Variants in SOX6 observed in about 807,000 individuals in gnomAD.
The protein encoded by SOX6 is SRY-box transcription factor 6.
Under a neutral mutation model 97.8 loss-of-function variants are expected in SOX6, and 11 were observed. That is an observed-to-expected ratio of 0.11 (90% CI 0.07 to 0.19). The LOEUF is 0.19. SOX6 is among the 10% of genes least tolerant of loss of function. SOX6 has a pLI of 1.00. For missense variants in SOX6, 810 were observed against 1,039.5 expected (o/e 0.78, Z 3.04); for synonymous variants, 360 against 371.4 (o/e 0.97, Z 0.35).
intron 3 of SOX6, among the ~76,000 whole-genome samples, chr11:16,680,189 A>G (rs11823738): frequency 0.023 from 3,532 of 152,330 alleles, 144 homozygotes; most frequent in African/African-American, 0.081. Context: ...GAAGGAAAAA[A>G]TGTTAAGGGC....
chr11:16,711,196 G>A (rs1389055824), intron 3 of SOX6, among the ~76,000 whole-genome samples: 1 of 152,134 alleles, frequency 6.6e-6, no homozygotes, highest in Non-Finnish European at 1.5e-5. Flanking sequence ...AAGAGTAAAT[G>A]TCTTAAGACA....
intron 1 of SOX6, among the ~76,000 whole-genome samples, chr11:16,419,363 T>C (rs1278984925): frequency 4.6e-5 from 7 of 152,156 alleles, no homozygotes. Flanking sequence ...TACAGTTATA[T>C]GCTTTTCCAT....
intron 4 of SOX6, among the ~76,000 whole-genome samples, chr11:16,192,038 T>C (rs1170506091): frequency 6.6e-6 from 1 of 152,044 alleles, no homozygotes; most frequent in Admixed American, 6.6e-5. Flanking sequence ...GAAAGGCAGT[T>C]TGTCTTAATA....
chr11:16,198,222 T>A (rs972598231), intron 4 of SOX6, among the ~76,000 whole-genome samples: 1 of 88,100 alleles, frequency 1.1e-5, no homozygotes, highest in Non-Finnish European at 2.1e-5. Flanking sequence ...CCCTGCTAAT[T>A]TTTTTTTCTT....
chr11:16,230,907 G>A (rs553762323), intron 4 of SOX6, among the ~76,000 whole-genome samples: 1 of 151,776 alleles, frequency 6.6e-6, no homozygotes, highest in East Asian at 1.9e-4. Context: ...TAATCAGAGT[G>A]TAATAAAAGA....
At chr11:16,125,634 C>T (rs1264641175) in intron 6 of SOX6, among the ~76,000 whole-genome samples, 1 of 151,920 alleles carries the variant, frequency 6.6e-6, no homozygotes, top group African/African-American at 2.4e-5. Flanking sequence ...TTGTTTAGGA[C>T]TAATAAGCAG....
chr11:16,021,815 A>G (rs987580404), intron 12 of SOX6, among the ~76,000 whole-genome samples: 3 of 152,098 alleles, frequency 2.0e-5, no homozygotes, highest in Admixed American at 1.3e-4. Context: ...ACTGGTGTAG[A>G]AGCAGGGAAG....
intron 1 of SOX6, among the ~76,000 whole-genome samples, chr11:16,424,836 C>G (rs1486518227): frequency 6.6e-6 from 1 of 152,204 alleles, no homozygotes; most frequent in Non-Finnish European, 1.5e-5. Flanking sequence ...GACAAATTAT[C>G]TGAAAGTGCC....
chr11:16,404,857 C>A (rs1373145016), intron 1 of SOX6, among the ~76,000 whole-genome samples: 2 of 151,980 alleles, frequency 1.3e-5, no homozygotes, highest in African/African-American at 2.4e-5. Context: ...TCTGTGGCAT[C>A]TAGAATTATG....
At chr11:16,518,458 A>G (rs1289890189) in intron 4 of SOX6, among the ~76,000 whole-genome samples, 2 of 152,170 alleles carry the variant, frequency 1.3e-5, no homozygotes, top group Non-Finnish European at 2.9e-5. Flanking sequence ...TTTGCTTTAT[A>G]TTACAATAAT....
chr11:16,562,083 G>C (rs929797133), intron 4 of SOX6, among the ~76,000 whole-genome samples: 2 of 152,086 alleles, frequency 1.3e-5, no homozygotes, highest in Non-Finnish European at 2.9e-5. Context: ...TTTTCCAGAG[G>C]TTATATAATA....
At chr11:16,545,783 C>T (rs187154611) in intron 4 of SOX6, among the ~76,000 whole-genome samples, 8 of 152,138 alleles carry the variant, frequency 5.3e-5, no homozygotes, top group African/African-American at 1.9e-4. Flanking sequence ...GAGATCTCAT[C>T]GCTACAAAAA....
intron 3 of SOX6, among the ~76,000 whole-genome samples, chr11:16,298,917 T>C (rs1362540365): frequency 6.6e-6 from 1 of 152,048 alleles, no homozygotes; most frequent in Non-Finnish European, 1.5e-5. Context: ...AATAAGATAC[T>C]GAACTAATAG....
chr11:16,523,643 T>A (rs923208727), intron 4 of SOX6, among the ~76,000 whole-genome samples: 1 of 151,260 alleles, frequency 6.6e-6, no homozygotes, highest in Non-Finnish European at 1.5e-5. Context: ...AGAGCAAAAC[T>A]GAAGGAAATA....
intron 4 of SOX6, among the ~76,000 whole-genome samples, chr11:16,536,661 G>A (rs530257999): frequency 1.3e-5 from 2 of 152,316 alleles, no homozygotes; most frequent in African/African-American, 4.8e-5. Flanking sequence ...CCCATGTGTG[G>A]CTCGGCGGGT....
intron 6 of SOX6, among the ~76,000 whole-genome samples, chr11:16,177,337 T>G (rs1851219918): frequency 1.3e-5 from 2 of 152,020 alleles, no homozygotes; most frequent in Middle Eastern, 6.8e-3. Context: ...CAACTCTTAC[T>G]GTAGTACTCT....
At chr11:16,655,913 G>A (rs902859722) in intron 3 of SOX6, among the ~76,000 whole-genome samples, 2 of 151,784 alleles carry the variant, frequency 1.3e-5, no homozygotes, top group Non-Finnish European at 2.9e-5. Flanking sequence ...AGGCTGCAGT[G>A]AGCTATGATC....
chr11:16,733,676 T>A (rs1412174604), intron 2 of SOX6, among the ~76,000 whole-genome samples: 1 of 144,880 alleles, frequency 6.9e-6, no homozygotes, highest in Non-Finnish European at 1.5e-5. Flanking sequence ...TATATACCTA[T>A]GTAACAAACC....
chr11:16,588,804 G>GTT (rs1848121804), intron 4 of SOX6, among the ~76,000 whole-genome samples: 2 of 152,168 alleles, frequency 1.3e-5, no homozygotes, highest in Non-Finnish European at 2.9e-5. Context: ...TGAAGCAGGA[G>GTT]GATTATTTGA....
Sources: allele counts gnomAD v4.1 joint callset (sites outside exome capture counted in the v4.1 genomes callset), GRCh38; gene constraint gnomAD v4.1.1; transcripts MANE v1.5; gene names NCBI Gene and HGNC (gene_info 2026-07-23, HGNC 2026-07-21).